LTN1: variants seen among roughly 807,000 people sequenced by gnomAD.
LTN1 encodes the protein E3 ubiquitin-protein ligase listerin.
Under a neutral mutation model 201.2 loss-of-function variants are expected in LTN1, and 88 were observed. The observed-to-expected ratio is 0.44, with a 90% CI of 0.37 to 0.52. The LOEUF (loss-of-function observed/expected upper bound fraction) is 0.52, where lower values mean the gene tolerates loss of function less well. Ranked by LOEUF, LTN1 falls within the 20% of genes least tolerant of loss-of-function variation. The pLI, the probability that LTN1 is intolerant of heterozygous loss-of-function variation, is 0.00. For synonymous variants in LTN1, 645 were observed against 713.5 expected (o/e 0.90, Z 1.53); for missense variants, 1,752 against 2,038.7 (o/e 0.86, Z 2.71).
At chr21:28,975,060 AATCTT>A (rs2084604450) in intron 6 of LTN1, among the ~76,000 whole-genome samples, 1 of 152,204 alleles carries the variant, frequency 6.6e-6, no homozygotes, top group Non-Finnish European at 1.5e-5. Flanking sequence ...TCCAGTATAC[AATCTT>A]AAATTAGTCA....
chr21:28,932,383 G>A, intron 28 of LTN1, 87 bp downstream of exon 28: 1 of 1,063,314 alleles, frequency 9.4e-7, no homozygotes. Flanking sequence ...ATCTTAAGCA[G>A]AAAAGATATA....
intron 25 of LTN1, among the ~76,000 whole-genome samples, chr21:28,940,097 A>C (rs186097904): frequency 6.6e-6 from 1 of 152,248 alleles, no homozygotes; most frequent in African/African-American, 2.4e-5. Flanking sequence ...CTAAATGATA[A>C]ACTAAATCTT....
intron 26 of LTN1, 109 bp downstream of exon 26, chr21:28,936,417 A>G (rs1308614378): frequency 3.8e-6 from 3 of 799,522 alleles, no homozygotes; most frequent in Non-Finnish European, 3.8e-6. Flanking sequence ...ACATTCTCAT[A>G]GCCAGGACCC....
In LTN1 at chr21:28,928,982, T is replaced by A. The variant is rs1205583619; in HGVS notation, c.*1466A>T. 1 of 152,574 alleles carries A rather than the reference T, an allele frequency of 6.6e-6. No individual in the cohort carries two copies. The highest frequency in any genetic ancestry group is 1.5e-5 in the Non-Finnish European group (1 of 67,990). 9.5% of individuals were successfully genotyped at this position (152,574 alleles called of 1,614,324 possible). A position where few individuals can be genotyped will look rare whatever the true frequency, so the allele number is the denominator to read the frequency against. ...TTAACGAGGTAGTAAAATTTTGCTATCTGTACTTCACTTACTGACCCTCAG... is the reference window on the plus strand; with the variant it reads ...TTAACGAGGTAGTAAAATTTTGCTAACTGTACTTCACTTACTGACCCTCAG... On this transcript the variant is annotated 3_prime_UTR_variant, in exon 30 of 30. Transcript: ENST00000361371.
rs530743087 is a variant in LTN1 at position 28,929,740 on chromosome 21, A to G, written c.*708T>C. 1 of 152,252 alleles carries G rather than the reference A, an allele frequency of 6.6e-6. No individual in the cohort carries two copies. The highest frequency in any genetic ancestry group is 1.9e-4 in the East Asian group (1 of 5,188). The allele number at this position is 152,252 out of a possible 1,614,324, so 9.4% of individuals were successfully genotyped here. A position where few individuals can be genotyped will look rare whatever the true frequency, so the allele number is the denominator to read the frequency against. ...CTCGCTCAGAGTGATAAATTCACTGACAAGTTTACAATTCAAATTTCACTA... is the reference window on the plus strand; with the variant it reads ...CTCGCTCAGAGTGATAAATTCACTGGCAAGTTTACAATTCAAATTTCACTA... On this transcript the variant is annotated 3_prime_UTR_variant, in exon 30 of 30. Transcript: ENST00000361371.
Position 28,982,058 on chromosome 21 carries a change from T to C in LTN1, c.629+258A>G, listed in dbSNP as rs148924721. Reference sequence around the variant, plus strand: ...GGTGAAACCCCATCTCTATAAAAAATACAAAAAAATTAGCCAGGTGTAGTG... The same window carrying C: ...GGTGAAACCCCATCTCTATAAAAAACACAAAAAAATTAGCCAGGTGTAGTG... On this transcript the variant is annotated intron_variant, in intron 5 of 29. Transcript: ENST00000361371. Among the ~76,000 whole-genome samples the C allele has an allele frequency of 3.3e-3, 495 of 151,994 alleles. 1 individual carries two copies. The highest frequency in any genetic ancestry group is 0.011 in the African/African-American group (475 of 41,438).
chr21:28,985,711 G>A (rs930462323), intron 3 of LTN1, among the ~76,000 whole-genome samples: 1 of 149,072 alleles, frequency 6.7e-6, no homozygotes, highest in Non-Finnish European at 1.5e-5. Context: ...CCAGGCTGGA[G>A]TGCAGTGGTG....
intron 14 of LTN1, 122 bp downstream of exon 14, chr21:28,958,264 G>C (rs976619751): frequency 1.0e-5 from 9 of 890,556 alleles, no homozygotes; most frequent in Non-Finnish European, 1.5e-5. Context: ...TGAGTAGCTG[G>C]GATTATAGGG....
rs1253307641 is a variant in LTN1, at chr21:28,959,589, G to T, written c.2462C>A (p.Ser821Tyr). 1 of 1,614,004 alleles carries T rather than the reference G, an allele frequency of 6.2e-7. No individual in the cohort carries two copies. Among genetic ancestry groups the T allele is most frequent in the East Asian group, 2.2e-5 (1 of 44,850 alleles). ...SEAESSDSSV[S>Y]FICDVAYNYF... is the part of the protein sequence containing the mutation. Reference sequence around the variant, plus strand: ...GTTATAGGCCACATCACAGATAAAAGACACTGATGAGTCACTGCTTTCAGC... The same window carrying T: ...GTTATAGGCCACATCACAGATAAAATACACTGATGAGTCACTGCTTTCAGC... The change falls in exon 13 of 30, where the codon TCT becomes TAT. Residue 821 changes from serine to tyrosine, a missense_variant. Ser to Tyr is a moderately radical substitution (Grantham distance 144, BLOSUM62 -2). This residue lies in a region of LTN1 where 1,211 missense variants were observed against 1,312.8 expected (regional missense o/e 0.92). Transcript: ENST00000361371.
At chr21:28,937,836 A>G (rs1232942698) in intron 25 of LTN1, among the ~76,000 whole-genome samples, 2 of 152,138 alleles carry the variant, frequency 1.3e-5, no homozygotes, top group South Asian at 2.1e-4. Flanking sequence ...CAGAAACACT[A>G]CTGGTCCCAG....
chr21:28,988,168 A>AAAC (rs2146320287), intron 1 of LTN1, among the ~76,000 whole-genome samples: 1 of 142,268 alleles, frequency 7.0e-6, no homozygotes, highest in East Asian at 2.1e-4. Flanking sequence ...AACAAAAAAA[A>AAAC]ACAAATTGCT....
chr21:28,982,210 C>G (rs1601002695), intron 5 of LTN1, 106 bp downstream of exon 5: 3 of 939,146 alleles, frequency 3.2e-6, no homozygotes, highest in South Asian at 2.9e-5. Flanking sequence ...GAGTGAGACT[C>G]TGTCTCAAAA....
In LTN1 at chr21:28,947,621, A is replaced by C; in HGVS notation, c.3345-15T>G. 6.6e-7 allele frequency: 1 copy of C among 1,521,046 alleles called. No individual in the cohort carries two copies. The highest frequency in any genetic ancestry group is 1.3e-5 in the South Asian group (1 of 77,250). 94.2% of individuals were successfully genotyped at this position (1,521,046 alleles called of 1,614,324 possible). ...GTGGAAAAAAACTGTTTAAAGAAAA[A>C]AAAAACACAAGTTAGATTTCTTCCA... On this transcript the variant is annotated splice_polypyrimidine_tract_variant and intron_variant, in intron 18 of 29. Coordinates refer to ENST00000361371, the MANE Select transcript of LTN1 (RefSeq NM_015565.3).
At chr21:28,971,479 T>G (rs747258531) in intron 6 of LTN1, 35 bp from the exon 7 acceptor site, 1 of 1,586,328 alleles carries the variant, frequency 6.3e-7, no homozygotes, top group Non-Finnish European at 8.6e-7. Context: ...AATTAAAACC[T>G]AGTAAAACTT....
chr21:28,932,197 A>T (rs924065973), intron 28 of LTN1, among the ~76,000 whole-genome samples: 1 of 152,298 alleles, frequency 6.6e-6, no homozygotes, highest in African/African-American at 2.4e-5. Context: ...CTTTCAAAAC[A>T]TCCTCTCCGA....
intron 16 of LTN1, 116 bp from the exon 17 acceptor site, chr21:28,953,492 C>T (rs1467490704): frequency 1.6e-6 from 1 of 640,734 alleles, no homozygotes; most frequent in Admixed American, 3.4e-5. Context: ...CTCAAAACTC[C>T]TATGAACTGA....
chr21:28,965,805 TTATAA>T (rs1253342193), intron 11 of LTN1, 55 bp downstream of exon 11: 1 of 964,420 alleles, frequency 1.0e-6, no homozygotes, highest in East Asian at 2.7e-5. Flanking sequence ...AGGACTACGG[TTATAA>T]TATTTCTATT....
intron 22 of LTN1, 36 bp downstream of exon 22, chr21:28,944,347 T>C (rs368594731): frequency 1.3e-6 from 2 of 1,497,712 alleles, no homozygotes; most frequent in Admixed American, 1.7e-5. Context: ...TCATTTCCAA[T>C]GAATCAATCT....
At chr21:28,978,538 C>T (rs2084634454) in intron 6 of LTN1, among the ~76,000 whole-genome samples, 1 of 152,118 alleles carries the variant, frequency 6.6e-6, no homozygotes, top group Non-Finnish European at 1.5e-5. Context: ...ATAAAGCCTA[C>T]AACTATAAAG....
Sources: gnomAD v4.1 joint callset for allele counts (sites outside exome capture counted in the v4.1 genomes callset) on GRCh38, gnomAD v4.1.1 for gene constraint, gnomAD v4.1.1 regional missense constraint, MANE v1.5 for transcripts, NCBI Gene and HGNC (gene_info 2026-07-23, HGNC 2026-07-21) for gene names.